Variants in ZNF407 observed in about 807,000 individuals in gnomAD.
ZNF407 encodes the protein zinc finger protein 407.
ZNF407 carries 17 observed loss-of-function variants against 131.2 expected under a neutral mutation model. The ratio of observed to expected loss-of-function variants is 0.13; its 90% CI spans 0.09 to 0.19. The LOEUF (loss-of-function observed/expected upper bound fraction) is 0.19. ZNF407 is among the 10% of genes least tolerant of loss of function. The pLI, the probability that ZNF407 is intolerant of heterozygous loss-of-function variation, is 1.00. For missense variants in ZNF407, 2,681 were observed against 2,830.6 expected (o/e 0.95, Z 1.20); for synonymous variants, 1,156 against 1,062.0 (o/e 1.09, Z -1.72).
intron 7 of ZNF407, among the ~76,000 whole-genome samples, chr18:74,901,671 A>G (rs1357850400): frequency 1.2e-4 from 5 of 43,472 alleles, no homozygotes; most frequent in Non-Finnish European, 1.5e-4. Context: ...ATCAGCATAT[A>G]TATATTTTTA....
intron 4 of ZNF407, among the ~76,000 whole-genome samples, chr18:74,818,864 G>GAAAAAAAA (rs1599174789): frequency 7.0e-5 from 2 of 28,446 alleles, no homozygotes; most frequent in Non-Finnish European, 1.4e-4. Context: ...CCATTGAACA[G>GAAAAAAAA]TAAAAAAAAA....
At chr18:75,006,113 A>C (rs530512336) in intron 8 of ZNF407, among the ~76,000 whole-genome samples, 9 of 152,284 alleles carry the variant, frequency 5.9e-5, no homozygotes, top group African/African-American at 1.9e-4. Flanking sequence ...TTCAGGGATC[A>C]GCCTCAGAAC....
chr18:74,736,625 T>A (rs1968419459), intron 3 of ZNF407, among the ~76,000 whole-genome samples: 1 of 152,308 alleles, frequency 6.6e-6, no homozygotes, highest in East Asian at 1.9e-4. Context: ...TAGATACAAC[T>A]GTTCTATGAT....
chr18:74,830,278 TTATTTTATTTTATTACTTTTTTGAGAC>T (rs550164742), intron 4 of ZNF407, among the ~76,000 whole-genome samples: 24 of 152,238 alleles, frequency 1.6e-4, no homozygotes, highest in African/African-American at 3.4e-4. Flanking sequence ...TTTTTTAAGA[TTATTTTATTTTATTACTTTTTTGAGAC>T]AAGGTCTTGC....
chr18:74,942,153 GA>G (rs1324629494), intron 8 of ZNF407, among the ~76,000 whole-genome samples: 9 of 152,288 alleles, frequency 5.9e-5, no homozygotes, highest in African/African-American at 2.2e-4. Context: ...TAAACTAGAG[GA>G]AAGGAGCTTG....
chr18:74,742,913 G>A (rs1968583643), intron 3 of ZNF407, among the ~76,000 whole-genome samples: 1 of 152,096 alleles, frequency 6.6e-6, no homozygotes, highest in African/African-American at 2.4e-5. Context: ...TGGGTCTTAA[G>A]GCCAATTAGG....
chr18:75,039,709 G>A (rs1336811658), intron 8 of ZNF407, among the ~76,000 whole-genome samples: 2 of 139,562 alleles, frequency 1.4e-5, no homozygotes, highest in African/African-American at 5.3e-5. Context: ...TCTAAGCACA[G>A]GGGCCAAGCT....
At chr18:75,045,601 T>C (rs2122249637) in intron 8 of ZNF407, among the ~76,000 whole-genome samples, 1 of 152,360 alleles carries the variant, frequency 6.6e-6, no homozygotes, top group African/African-American at 2.4e-5. Context: ...ACAGTGCTAT[T>C]CATGTGGCTG....
chr18:74,902,439 G>A (rs1306197788), intron 7 of ZNF407, among the ~76,000 whole-genome samples: 3 of 152,150 alleles, frequency 2.0e-5, no homozygotes, highest in African/African-American at 7.2e-5. Flanking sequence ...AATGTCTTCC[G>A]GGAGTACTAT....
At chr18:74,771,141 C>T (rs573049463) in intron 3 of ZNF407, among the ~76,000 whole-genome samples, 2 of 152,060 alleles carry the variant, frequency 1.3e-5, no homozygotes, top group Admixed American at 1.3e-4. Flanking sequence ...GTAATTAAAA[C>T]CAAAAGCGGT....
At chr18:74,989,154 A>T (rs928628604) in intron 8 of ZNF407, among the ~76,000 whole-genome samples, 46 of 152,246 alleles carry the variant, frequency 3.0e-4, no homozygotes, top group African/African-American at 1.0e-3. Flanking sequence ...CTGAACTAAC[A>T]ACATGGATGC....
intron 3 of ZNF407, among the ~76,000 whole-genome samples, chr18:74,678,799 A>G (rs1966911706): frequency 6.6e-6 from 1 of 152,170 alleles, no homozygotes. Context: ...CAGTTTTCAA[A>G]TGTTAAGTAG....
intron 3 of ZNF407, among the ~76,000 whole-genome samples, chr18:74,767,115 T>C (rs1969251326): frequency 6.6e-6 from 1 of 152,172 alleles, no homozygotes; most frequent in Non-Finnish European, 1.5e-5. Context: ...TTTTGCCATG[T>C]TGATCAGGCT....
chr18:75,047,367 G>C (rs778110418), intron 8 of ZNF407, among the ~76,000 whole-genome samples: 1 of 152,194 alleles, frequency 6.6e-6, no homozygotes, highest in African/African-American at 2.4e-5. Flanking sequence ...CAGGGCTGCC[G>C]TACGAGTGAG....
chr18:75,058,901 T>A (rs1018321163), intron 8 of ZNF407, among the ~76,000 whole-genome samples: 2 of 152,194 alleles, frequency 1.3e-5, no homozygotes, highest in African/African-American at 4.8e-5. Flanking sequence ...GAATCTTCAG[T>A]GGGTGAATCT....
intron 4 of ZNF407, among the ~76,000 whole-genome samples, chr18:74,868,773 TG>T (rs1306772854): frequency 6.6e-6 from 1 of 152,244 alleles, no homozygotes. Flanking sequence ...TTTCAATCTA[TG>T]TGTATTGACC....
chr18:74,760,789 T>C (rs915193426), intron 3 of ZNF407, among the ~76,000 whole-genome samples: 6 of 152,158 alleles, frequency 3.9e-5, no homozygotes, highest in African/African-American at 7.2e-5. Flanking sequence ...ACTCTAGTCA[T>C]CATTTTGTTG....
At chr18:74,876,868 C>T (rs951530023) in intron 4 of ZNF407, among the ~76,000 whole-genome samples, 1 of 152,220 alleles carries the variant, frequency 6.6e-6, no homozygotes, top group African/African-American at 2.4e-5. Flanking sequence ...TTCATTTAGC[C>T]TTTGCTCTGA....
intron 3 of ZNF407, among the ~76,000 whole-genome samples, chr18:74,772,091 T>G (rs188755878): frequency 6.6e-6 from 1 of 152,332 alleles, no homozygotes; most frequent in East Asian, 1.9e-4. Context: ...ATTCTACTTT[T>G]GCATTTTCAG....
Sources: allele counts gnomAD v4.1 joint callset (sites outside exome capture counted in the v4.1 genomes callset), GRCh38; gene constraint gnomAD v4.1.1; transcripts MANE v1.5; gene names NCBI Gene and HGNC (gene_info 2026-07-23, HGNC 2026-07-21).